SEMA6A: variants seen among roughly 807,000 people sequenced by gnomAD.
SEMA6A encodes the protein semaphorin 6A, also known as semaphorin-6A.
In SEMA6A, 25 loss-of-function variants were observed where a neutral mutation model predicts 96.8. The observed-to-expected ratio is 0.26, with a 90% CI of 0.19 to 0.36. SEMA6A has a LOEUF of 0.36. Among genes scored for constraint, SEMA6A ranks in the 10% least tolerant of loss-of-function variants. SEMA6A has a pLI of 1.00. For missense variants in SEMA6A, 1,363 were observed against 1,323.1 expected (o/e 1.03, Z -0.47); for synonymous variants, 612 against 518.0 (o/e 1.18, Z -2.46).
chr5:116,533,349 C>A (rs774399556), intron 1 of SEMA6A, among the ~76,000 whole-genome samples: 2 of 151,078 alleles, frequency 1.3e-5, no homozygotes, highest in African/African-American at 2.4e-5. Flanking sequence ...GCTCTGTGCA[C>A]AGATGTGGGA....
chr5:116,470,141 C>T (rs948048503), intron 17 of SEMA6A, among the ~76,000 whole-genome samples: 9 of 152,190 alleles, frequency 5.9e-5, no homozygotes, highest in African/African-American at 2.2e-4. Context: ...TGTAAAAGCA[C>T]CATTAAGCAG....
chr5:116,455,644 T>G (rs1754965858), intron 18 of SEMA6A, among the ~76,000 whole-genome samples: 1 of 152,236 alleles, frequency 6.6e-6, no homozygotes, highest in Admixed American at 6.5e-5. Flanking sequence ...TTACTTGCTT[T>G]GAATTTTCTC....
intron 1 of SEMA6A, among the ~76,000 whole-genome samples, chr5:116,532,509 G>C (rs979584638): frequency 6.6e-6 from 1 of 152,066 alleles, no homozygotes; most frequent in African/African-American, 2.4e-5. Context: ...AGGGAGAGAG[G>C]GTAGCCTGTA....
At chr5:116,470,472 G>A (rs997906716) in intron 17 of SEMA6A, among the ~76,000 whole-genome samples, 13 of 152,100 alleles carry the variant, frequency 8.5e-5, no homozygotes, top group South Asian at 2.1e-4. Context: ...GAAAGTTAAC[G>A]TTAATGCATC....
chr5:116,465,433 A>G (rs1167771766), intron 18 of SEMA6A, among the ~76,000 whole-genome samples: 1 of 152,218 alleles, frequency 6.6e-6, no homozygotes, highest in East Asian at 1.9e-4. Flanking sequence ...TTTCTGCACA[A>G]CAACTCATTG....
At chr5:116,552,628 C>CT (rs1203854357) in intron 1 of SEMA6A, among the ~76,000 whole-genome samples, 1 of 152,164 alleles carries the variant, frequency 6.6e-6, no homozygotes, top group Non-Finnish European at 1.5e-5. Context: ...CAGCCACCGT[C>CT]TTGTGAGGGA....
intron 1 of SEMA6A, among the ~76,000 whole-genome samples, chr5:116,536,894 A>G (rs13181838): frequency 0.023 from 3,263 of 143,898 alleles, 155 homozygotes; most frequent in African/African-American, 0.083. Context: ...AAAAAAAAAA[A>G]GCAAAACTGG....
chr5:116,527,260 AAAG>A (rs1378761590), intron 1 of SEMA6A, among the ~76,000 whole-genome samples: 12 of 152,200 alleles, frequency 7.9e-5, no homozygotes, highest in Admixed American at 1.3e-4. Context: ...AACTAAAAAA[AAAG>A]AAGCAATTGA....
intron 4 of SEMA6A, among the ~76,000 whole-genome samples, 162 bp downstream of exon 4, chr5:116,497,165 A>G (rs1757642829): frequency 6.6e-6 from 1 of 152,256 alleles, no homozygotes; most frequent in African/African-American, 2.4e-5. Flanking sequence ...CTGAACATGT[A>G]TCAAATCCTA....
intron 1 of SEMA6A, chr5:116,562,543 C>A: frequency 1.8e-6 from 1 of 558,884 alleles, no homozygotes; most frequent in South Asian, 1.8e-5. Context: ...GGTGTGGAGT[C>A]TGGAGACAAC....
intron 1 of SEMA6A, among the ~76,000 whole-genome samples, chr5:116,505,199 A>G (rs73781099): frequency 0.021 from 3,227 of 152,212 alleles, 113 homozygotes; most frequent in African/African-American, 0.074. Context: ...TTTCTCCAAT[A>G]TGGAACAAAG....
At chr5:116,476,958 T>A (rs1756481040) in intron 15 of SEMA6A, among the ~76,000 whole-genome samples, 1 of 152,200 alleles carries the variant, frequency 6.6e-6, no homozygotes, top group Non-Finnish European at 1.5e-5. Flanking sequence ...GTAGTGGTCA[T>A]CAGATATGCC....
chr5:116,489,119 C>T, intron 7 of SEMA6A, 112 bp from the exon 8 acceptor site: 1 of 1,209,248 alleles, frequency 8.3e-7, no homozygotes, highest in Non-Finnish European at 1.1e-6. Context: ...TGAGATAGCA[C>T]AACTGGGAAA....
intron 1 of SEMA6A, among the ~76,000 whole-genome samples, chr5:116,532,591 G>A (rs761576402): frequency 1.3e-5 from 2 of 152,026 alleles, no homozygotes; most frequent in South Asian, 2.1e-4. Context: ...TCTGGGCTTC[G>A]GTGACCCCAT....
chr5:116,458,183 G>A (rs1438216355), intron 18 of SEMA6A, among the ~76,000 whole-genome samples: 1 of 152,116 alleles, frequency 6.6e-6, no homozygotes, highest in Non-Finnish European at 1.5e-5. Flanking sequence ...TCCACATAAT[G>A]CAAACTACTA....
intron 18 of SEMA6A, among the ~76,000 whole-genome samples, chr5:116,467,197 A>G (rs534919209): frequency 2.0e-5 from 3 of 152,118 alleles, no homozygotes; most frequent in Non-Finnish European, 4.4e-5. Flanking sequence ...CCTTTACTTC[A>G]ATTGCATTCA....
At chr5:116,461,191 C>G (rs1755372220) in intron 18 of SEMA6A, among the ~76,000 whole-genome samples, 1 of 152,116 alleles carries the variant, frequency 6.6e-6, no homozygotes, top group Non-Finnish European at 1.5e-5. Flanking sequence ...TAAGTGATCT[C>G]TAATTCAAAA....
intron 3 of SEMA6A, 30 bp downstream of exon 3, chr5:116,502,180 C>G: frequency 6.3e-7 from 1 of 1,585,766 alleles, no homozygotes; most frequent in Non-Finnish European, 8.7e-7. Context: ...TGGACACTCT[C>G]AAGGCAGACA....
chr5:116,480,414 C>T (rs1756691544), intron 11 of SEMA6A, 137 bp from the exon 12 acceptor site: 23 of 1,004,516 alleles, frequency 2.3e-5, no homozygotes, highest in Non-Finnish European at 3.2e-5. Flanking sequence ...TTGAACAATG[C>T]AGAATGCCAC....
Sources: allele counts gnomAD v4.1 joint callset (sites outside exome capture counted in the v4.1 genomes callset), GRCh38; gene constraint gnomAD v4.1.1; transcripts MANE v1.5; gene names NCBI Gene and HGNC (gene_info 2026-07-23, HGNC 2026-07-21).